Variants in CAMTA1 observed in about 807,000 individuals in gnomAD.
CAMTA1 encodes calmodulin binding transcription activator 1, also known as calmodulin-binding transcription activator 1.
A neutral mutation model predicts 170.9 loss-of-function variants in CAMTA1; 27 were observed. That is an observed-to-expected ratio of 0.16 (90% confidence interval 0.12 to 0.22). The LOEUF (loss-of-function observed/expected upper bound fraction) is 0.22, where lower values mean the gene tolerates loss of function less well. Ranked by LOEUF, CAMTA1 falls within the 10% of genes least tolerant of loss-of-function variation. The probability of loss-of-function intolerance (pLI) is 1.00; values close to 1 mark genes in which losing one functional copy is unlikely to be tolerated. For synonymous variants in CAMTA1, 833 were observed against 891.5 expected (o/e 0.93, Z 1.17); for missense variants, 1,619 against 2,217.2 (o/e 0.73, Z 5.42).
rs376552325 is a variant in CAMTA1, at chr1:7,640,411, C to T, written c.522C>T (p.Ile174=). 2.5e-6 allele frequency: 4 copies of T among 1,614,084 alleles called. No individual in the cohort carries two copies. Among genetic ancestry groups the T allele is most frequent in the South Asian group, 1.1e-5 (1 of 91,086 alleles). Residue 174 remains isoleucine, a synonymous_variant, in exon 7 of 23, where the codon ATC becomes ATT. Transcript: ENST00000303635. The stretch of plus-strand genomic sequence containing the variant: ...TGCTCTCCCCACAGAACCCCGACAT[C>T]GTCCTGGTGCACTACCTGAACGTGC... ...RCYWLLQNPD[I]VLVHYLNVPA...
In CAMTA1 at chr1:7,732,496, G is replaced by A. The variant is rs374826321; in HGVS notation, c.2963G>A (p.Arg988Lys). 2 of 1,613,924 alleles carry A rather than the reference G, an allele frequency of 1.2e-6. No individual in the cohort carries two copies. Among genetic ancestry groups the A allele is most frequent in the African/African-American group, 2.7e-5 (2 of 74,924 alleles). ...CTGGAACGACTGGAGCAGATGGAGA[G>A]GAGGATGGCCGAGATGACGGGGTCC... ...SILERLEQME[R>K]RMAEMTGSQQ... Residue 988 changes from arginine (R) to lysine (K), a missense_variant, in exon 12 of 23, where the codon AGG becomes AAG. Physicochemically the swap from Arg to Lys is conservative, Grantham distance 26 (BLOSUM62 2). This residue lies in a region of CAMTA1 where 143 missense variants were observed against 184.2 expected (regional missense o/e 0.78). Transcript: ENST00000303635. This position sits in a 1 kb window ranked among gnomAD's most constrained non-coding sequence, Gnocchi z 4.1.
At chr1:7,555,528 C>T (rs2094863942) in intron 6 of CAMTA1, among the ~76,000 whole-genome samples, 3 of 152,264 alleles carry the variant, frequency 2.0e-5, no homozygotes, top group Admixed American at 6.5e-5. Context: ...TTCCCCAGGG[C>T]AGACAGAGCC....
chr1:7,630,639 C>T (rs553263999), intron 6 of CAMTA1, among the ~76,000 whole-genome samples: 25 of 152,370 alleles, frequency 1.6e-4, no homozygotes, highest in South Asian at 6.2e-4. Flanking sequence ...GAAGGGCTGC[C>T]GGCCTGACTC....
In CAMTA1 at chr1:7,592,354, C is replaced by T. The variant is rs1470135280; in HGVS notation, c.511-48046C>T. On this transcript the variant is annotated intron_variant, in intron 6 of 22. Transcript: ENST00000303635. The surrounding 1 kb of genome is among the most constrained non-coding windows in gnomAD (Gnocchi z 4.6). ...TCTGGTCACATCTCTCTCGCCAGTG[C>T]GCCTCCCCTGCGGCACATTCGGTAG... is the stretch of plus-strand genomic sequence containing the variant. Among the ~76,000 whole-genome samples, 1 of 152,204 alleles carries T rather than the reference C, an allele frequency of 6.6e-6. No homozygotes were observed. The highest frequency in any genetic ancestry group is 1.5e-5 in the Non-Finnish European group (1 of 68,048).
At chr1:7,309,988 A>G (rs1266242328) in intron 5 of CAMTA1, among the ~76,000 whole-genome samples, 1 of 152,144 alleles carries the variant, frequency 6.6e-6, no homozygotes, top group Non-Finnish European at 1.5e-5. Context: ...CCAGATCTTT[A>G]TTAGTTCTGT....
chr1:6,910,599 CT>C (rs1192085077), intron 3 of CAMTA1, among the ~76,000 whole-genome samples: 1 of 152,244 alleles, frequency 6.6e-6, no homozygotes, highest in Non-Finnish European at 1.5e-5. Context: ...GAAAGCGGGT[CT>C]CTGCATACCT....
At chr1:7,756,617 G>A (rs950214900) in intron 22 of CAMTA1, among the ~76,000 whole-genome samples, 2 of 152,172 alleles carry the variant, frequency 1.3e-5, no homozygotes, top group African/African-American at 4.8e-5. Context: ...GGGAGGCTGA[G>A]GTGGGAGGAG....
chr1:6,944,285 G>A, intron 3 of CAMTA1, among the ~76,000 whole-genome samples: 1 of 152,142 alleles, frequency 6.6e-6, no homozygotes, highest in East Asian at 1.9e-4. Flanking sequence ...AATGACACTT[G>A]GGTTATTGAG....
chr1:6,977,646 A>G (rs1185959998), intron 3 of CAMTA1, among the ~76,000 whole-genome samples: 1 of 152,126 alleles, frequency 6.6e-6, no homozygotes, highest in Admixed American at 6.5e-5. Flanking sequence ...AGCCTGGACT[A>G]AGCTTTTTTA....
chr1:7,146,447 C>G lies in CAMTA1; in HGVS notation c.302+55076C>G, dbSNP rs924715439. ...TAATGCTTCCCATCAAGAGTCCTGT[C>G]GGGGAAAGTCTGGGAATATCTGTTT... On this transcript the variant is annotated intron_variant, in intron 4 of 22. Coordinates refer to ENST00000303635, the MANE Select transcript of CAMTA1 (RefSeq NM_015215.4). This position sits in a 1 kb window ranked among gnomAD's most constrained non-coding sequence, Gnocchi z 4.3. Among the ~76,000 whole-genome samples the G allele has an allele frequency of 6.6e-6, 1 of 152,160 alleles. No individual in the cohort carries two copies. The highest frequency in any genetic ancestry group is 2.4e-5 in the African/African-American group (1 of 41,426).
At position 7,475,768 on chromosome 1, in the gene CAMTA1, G is replaced by A. The variant is rs574334498; in HGVS notation, c.510+7867G>A. On this transcript the variant is annotated intron_variant, in intron 6 of 22. Transcript: ENST00000303635. ...ACAGGGCAGGGGTGAGTTCGTCCCA[G>A]TGTTTCATAGAAGAAGAAACTGAGG... 4.0e-3 allele frequency among the ~76,000 whole-genome samples: 603 copies of A among 152,336 alleles called. 4 individuals carry two copies. The highest frequency in any genetic ancestry group is 0.014 in the Middle Eastern group (4 of 294).
At chr1:7,379,770 G>C (rs1350738389) in intron 5 of CAMTA1, among the ~76,000 whole-genome samples, 1 of 152,192 alleles carries the variant, frequency 6.6e-6, no homozygotes, top group East Asian at 1.9e-4. Context: ...ACCTCGCTTT[G>C]ATCTCTTGGC....
At position 6,785,509 on chromosome 1, in the gene CAMTA1, C is replaced by A; in HGVS notation, c.-22C>A. The A allele has an allele frequency of 9.6e-7, 1 of 1,041,980 alleles. No individual in the cohort carries two copies. The highest frequency in any genetic ancestry group is 1.2e-6 in the Non-Finnish European group (1 of 858,934). 64.5% of individuals were successfully genotyped at this position (1,041,980 alleles called of 1,614,324 possible). A position where few individuals can be genotyped will look rare whatever the true frequency, so the allele number is the denominator to read the frequency against. On this transcript the variant is annotated 5_prime_UTR_variant, in exon 1 of 23. Coordinates refer to ENST00000303635, the MANE Select transcript of CAMTA1 (RefSeq NM_015215.4). ...GCGGTACGAGGCGCGCGCTCGGGGT[C>A]CCGGTCGCGAGGAGGAGGAGGATGT...
At chr1:6,843,563 C>T (rs1557679576) in intron 3 of CAMTA1, among the ~76,000 whole-genome samples, 1 of 152,150 alleles carries the variant, frequency 6.6e-6, no homozygotes, top group African/African-American at 2.4e-5. Context: ...ATGAGAGTAA[C>T]TTAACCATCC....
intron 6 of CAMTA1, among the ~76,000 whole-genome samples, chr1:7,515,431 T>C (rs944818321): frequency 1.3e-5 from 2 of 152,200 alleles, no homozygotes; most frequent in African/African-American, 4.8e-5. Context: ...ATTCAACCTC[T>C]GGGTGCCCAA....
intron 3 of CAMTA1, among the ~76,000 whole-genome samples, chr1:6,830,963 C>T (rs1291337663): frequency 6.6e-6 from 1 of 152,024 alleles, no homozygotes; most frequent in African/African-American, 2.4e-5. Flanking sequence ...GGACTACAGG[C>T]ACCCGTCACC....
chr1:7,259,273 C>T (rs1389938864), intron 5 of CAMTA1, among the ~76,000 whole-genome samples: 1 of 152,188 alleles, frequency 6.6e-6, no homozygotes. Flanking sequence ...ATGAAATAAC[C>T]TTCCACGTCC....
chr1:7,574,176 G>A (rs2095161314), intron 6 of CAMTA1, among the ~76,000 whole-genome samples: 1 of 127,972 alleles, frequency 7.8e-6, no homozygotes, highest in African/African-American at 5.2e-5. Flanking sequence ...GGCCGTGCAG[G>A]GAGTAACAGG....
intron 5 of CAMTA1, among the ~76,000 whole-genome samples, chr1:7,288,093 G>A (rs1006897519): frequency 1.4e-4 from 21 of 152,228 alleles, no homozygotes; most frequent in African/African-American, 4.6e-4. Flanking sequence ...ATTATTATCC[G>A]TATTACGTAT....
Sources: allele counts gnomAD v4.1 joint callset (sites outside exome capture counted in the v4.1 genomes callset), GRCh38; gene constraint gnomAD v4.1.1; regional missense constraint gnomAD v4.1.1; non-coding constraint Gnocchi (gnomAD v3.1); transcripts MANE v1.5; gene names NCBI Gene and HGNC (gene_info 2026-07-23, HGNC 2026-07-21).